ADGRF1: variants seen among roughly 807,000 people sequenced by gnomAD.
ADGRF1 encodes G protein-coupled receptor 110.
ADGRF1 carries 85 observed loss-of-function variants against 87.2 expected under a neutral mutation model. The observed-to-expected ratio is 0.97, with a 90% CI of 0.82 to 1.17. The LOEUF (loss-of-function observed/expected upper bound fraction) is 1.17. Among genes scored for constraint, ADGRF1 ranks in the 50% most tolerant of loss-of-function variants. The pLI is 0.00. For missense variants in ADGRF1, 1,169 were observed against 1,077.2 expected (o/e 1.09, Z -1.19); for synonymous variants, 430 against 408.8 (o/e 1.05, Z -0.63).
Position 47,009,951 on chromosome 6 carries a change from T to C in ADGRF1, c.1484A>G (p.Lys495Arg), listed in dbSNP as rs1484211503. ...LTLGNILPVSKNGNAQVNGPV... is the reference protein window; with the variant it reads ...LTLGNILPVSRNGNAQVNGPV... ...TCCATTGACCTGAGCATTTCCATTTTTGGAAACGGGTAGAATGTTCCCCAG... is the reference window on the plus strand; with the variant it reads ...TCCATTGACCTGAGCATTTCCATTTCTGGAAACGGGTAGAATGTTCCCCAG... The change falls in exon 11 of 15, where the codon AAA becomes AGA. Residue 495 changes from lysine (K) to arginine (R), a missense_variant. Coordinates refer to ENST00000371253, the MANE Select transcript of ADGRF1 (RefSeq NM_153840.4). The C allele has an allele frequency of 1.9e-6, 3 of 1,614,056 alleles. No individual in the cohort carries two copies. Among genetic ancestry groups the C allele is most frequent in the African/African-American group, 1.3e-5 (1 of 74,952 alleles).
chr6:47,000,289 T>G lies in ADGRF1; in HGVS notation c.2666A>C (p.Tyr889Ser). 1.9e-6 allele frequency: 3 copies of G among 1,597,546 alleles called. No homozygotes were observed. The Middle Eastern group carries it at 5.0e-4, about 266-fold the overall frequency. The stretch of plus-strand genomic sequence containing the variant: ...GGAATCTCCAGTATGAGAAAATGCA[T>G]AATGGCCTGAAGGGGAAAAAAAAAG... ...PFNPLQNKGHYAFSHTGDSSD... is the reference protein window; with the variant it reads ...PFNPLQNKGHSAFSHTGDSSD... The change falls in exon 15 of 15, where the codon TAT (tyrosine) becomes TCT (serine). Residue 889 changes from tyrosine to serine, a missense_variant. Physicochemically the swap from Tyr to Ser is moderately radical, Grantham distance 144. Transcript: ENST00000371253.
At chr6:47,021,540 T>A (rs1780051692) in intron 6 of ADGRF1, among the ~76,000 whole-genome samples, 1 of 152,126 alleles carries the variant, frequency 6.6e-6, no homozygotes, top group Non-Finnish European at 1.5e-5. Context: ...TTGTGTTTTT[T>A]AGTAGAGATT....
Position 47,012,074 on chromosome 6 carries a change from G to C in ADGRF1, c.1049C>G (p.Ser350Trp). 1 of 1,614,032 alleles carries C rather than the reference G, an allele frequency of 6.2e-7. No homozygotes were observed. Among genetic ancestry groups the C allele is most frequent in the Non-Finnish European group, 8.5e-7 (1 of 1,179,976 alleles). The change falls in exon 10 of 15, where the codon TCG becomes TGG. Residue 350 changes from serine (S) to tryptophan (W), a missense_variant. Coordinates refer to ENST00000371253, the MANE Select transcript of ADGRF1 (RefSeq NM_153840.4). ...TTVGNLASVVSILSNISSLSL... is the reference protein window; with the variant it reads ...TTVGNLASVVWILSNISSLSL... Reference sequence around the variant, plus strand: ...CAGAGATGAAATATTGCTCAGAATCGACACCACCGAAGCCAGATTCCCCAC... The same window carrying C: ...CAGAGATGAAATATTGCTCAGAATCCACACCACCGAAGCCAGATTCCCCAC...
chr6:47,005,639 A>G (rs1779503376), intron 13 of ADGRF1, among the ~76,000 whole-genome samples, 178 bp downstream of exon 13: 2 of 152,142 alleles, frequency 1.3e-5, no homozygotes, highest in South Asian at 4.1e-4. Flanking sequence ...TCACTCATTC[A>G]CTCAACAACT....
chr6:47,042,244 C>G lies in ADGRF1; in HGVS notation c.-97G>C, dbSNP rs1780759421. ...TCGAGGGAGCCCTTCCTTCAGTATA[C>G]TTGTGGCTCAATCACTTCTTATGCT... On this transcript the variant is annotated 5_prime_UTR_variant, in exon 1 of 15. Coordinates refer to ENST00000371253, the MANE Select transcript of ADGRF1 (RefSeq NM_153840.4). The G allele has an allele frequency of 3.3e-5, 5 of 152,204 alleles. No individual in the cohort carries two copies. The highest frequency in any genetic ancestry group is 4.1e-4 in the South Asian group (2 of 4,832). 9.4% of individuals were successfully genotyped at this position (152,204 alleles called of 1,614,324 possible). A position where few individuals can be genotyped will look rare whatever the true frequency, so the allele number is the denominator to read the frequency against.
intron 1 of ADGRF1, among the ~76,000 whole-genome samples, chr6:47,031,051 C>A (rs1451013402): frequency 2.0e-5 from 3 of 152,184 alleles, no homozygotes; most frequent in Admixed American, 2.0e-4. Context: ...GCATAAGCCA[C>A]CATGCCCGGC....
chr6:47,013,256 A>T, intron 9 of ADGRF1: 1 of 985,438 alleles, frequency 1.0e-6, no homozygotes, highest in Non-Finnish European at 1.2e-6. Flanking sequence ...TGTTCAAGCC[A>T]CCTGGGATCT....
intron 11 of ADGRF1, 27 bp downstream of exon 11, chr6:47,008,918 A>G: frequency 3.9e-6 from 6 of 1,547,194 alleles, no homozygotes; most frequent in Non-Finnish European, 5.2e-6. Context: ...ACTTGACAAT[A>G]CAATAGGTTA....
intron 1 of ADGRF1, among the ~76,000 whole-genome samples, chr6:47,039,829 G>A (rs1481004999): frequency 6.6e-6 from 1 of 152,148 alleles, no homozygotes; most frequent in African/African-American, 2.4e-5. Flanking sequence ...AGGCGTAGTG[G>A]CAGATGCCTG....
Position 47,010,318 on chromosome 6 carries a change from C to T in ADGRF1, c.1117G>A (p.Asp373Asn). 1 of 1,590,658 alleles carries T rather than the reference C, an allele frequency of 6.3e-7. No individual in the cohort carries two copies. Among genetic ancestry groups the T allele is most frequent in the South Asian group, 1.1e-5 (1 of 87,078 alleles). The change falls in exon 11 of 15, where the codon GAT (aspartate) becomes AAT (asparagine). Residue 373 changes from aspartate to asparagine, a missense_variant and splice_region_variant. Physicochemically the swap from Asp to Asn is conservative, Grantham distance 23. Transcript: ENST00000371253. ...HFRVSNSTME[D>N]VISIADNILN... ...ATATTGTCAGCTATACTGATGACAT[C>T]CTGAAACACAAGGATGAGAGTCAGT...
intron 1 of ADGRF1, among the ~76,000 whole-genome samples, chr6:47,031,270 T>TTCTC (rs375425604): frequency 2.0e-4 from 29 of 146,110 alleles, no homozygotes; most frequent in East Asian, 1.2e-3. Context: ...TCTCTCTCTC[T>TTCTC]TCTCTCTCTC....
At chr6:47,013,478 G>C in intron 9 of ADGRF1, 1 of 985,456 alleles carries the variant, frequency 1.0e-6, no homozygotes, top group Non-Finnish European at 1.2e-6. Context: ...GTCTCTGGCT[G>C]GAATAGAAGT....
rs1779624787 is a variant in ADGRF1, at chr6:47,009,342, A to T, written c.2093T>A (p.Met698Lys). 14 of 1,614,084 alleles carry T rather than the reference A, an allele frequency of 8.7e-6. No homozygotes were observed. Among genetic ancestry groups the T allele is most frequent in the Non-Finnish European group, 1.2e-5 (14 of 1,180,032 alleles). The stretch of plus-strand genomic sequence containing the variant: ...ACCCAGGCAAAATCCAACAGCCATC[A>T]TCAAATGCTGGGCCATGTGATGGAA... ...LVFHHMAQHL[M>K]MAVGFCLGYG... The change falls in exon 11 of 15, where the codon ATG becomes AAG. Residue 698 changes from methionine (M) to lysine (K), a missense_variant. Physicochemically the swap from Met to Lys is moderately conservative, Grantham distance 95. Coordinates refer to ENST00000371253, the MANE Select transcript of ADGRF1 (RefSeq NM_153840.4).
chr6:47,040,057 C>T (rs1780693185), intron 1 of ADGRF1, among the ~76,000 whole-genome samples: 1 of 152,126 alleles, frequency 6.6e-6, no homozygotes, highest in Admixed American at 6.6e-5. Context: ...ATCTTGCGAG[C>T]ACTACTCTGC....
intron 12 of ADGRF1, 38 bp downstream of exon 12, chr6:47,007,215 C>T: frequency 7.4e-7 from 1 of 1,356,210 alleles, no homozygotes; most frequent in South Asian, 1.3e-5. Context: ...CCTAAGATGT[C>T]TAGGCTAGGG....
rs1457894500 is a variant in ADGRF1, at chr6:46,999,256, G to A, written c.*966C>T. The A allele has an allele frequency of 6.6e-6, 1 of 152,192 alleles. No homozygotes were observed. Among genetic ancestry groups the A allele is most frequent in the Non-Finnish European group, 1.5e-5 (1 of 68,040 alleles). 9.4% of individuals were successfully genotyped at this position (152,192 alleles called of 1,614,324 possible). The stretch of plus-strand genomic sequence containing the variant: ...ATGGTGTATTATGAAAGAAAATAAG[G>A]ATGTTTTAAGGTACCTCCCTGGAAG... On this transcript the variant is annotated 3_prime_UTR_variant, in exon 15 of 15. Transcript: ENST00000371253.
In ADGRF1 at chr6:46,999,241, A is replaced by T. The variant is rs954204596; in HGVS notation, c.*981T>A. 6.6e-6 allele frequency: 1 copy of T among 152,230 alleles called. No homozygotes were observed. Among genetic ancestry groups the T allele is most frequent in the Non-Finnish European group, 1.5e-5 (1 of 68,032 alleles). The allele number at this position is 152,230 out of a possible 1,614,324, so 9.4% of individuals were successfully genotyped here. The stretch of plus-strand genomic sequence containing the variant: ...TTCCACAAAGTGCCTATGGTGTATT[A>T]TGAAAGAAAATAAGGATGTTTTAAG... On this transcript the variant is annotated 3_prime_UTR_variant, in exon 15 of 15. Transcript: ENST00000371253.
rs1426269993 is a variant in ADGRF1, at chr6:46,998,088, A to T, written c.*2134T>A. ...CTTGCTGGTTGACATTTTTGCTAAGATTTCTCCCTCTCCTTCCACCCCACC... is the reference window on the plus strand; with the variant it reads ...CTTGCTGGTTGACATTTTTGCTAAGTTTTCTCCCTCTCCTTCCACCCCACC... On this transcript the variant is annotated 3_prime_UTR_variant, in exon 15 of 15. Transcript: ENST00000371253. 6.6e-6 allele frequency: 1 copy of T among 151,958 alleles called. No homozygotes were observed. Among genetic ancestry groups the T allele is most frequent in the Admixed American group, 6.6e-5 (1 of 15,248 alleles). The allele number at this position is 151,958 out of a possible 1,614,324, so 9.4% of individuals were successfully genotyped here.
At chr6:47,033,902 G>A (rs1246473199) in intron 1 of ADGRF1, among the ~76,000 whole-genome samples, 2 of 152,214 alleles carry the variant, frequency 1.3e-5, no homozygotes, top group Non-Finnish European at 2.9e-5. Flanking sequence ...TGGAAAAATG[G>A]TTGGAGGTTT....
Sources: gnomAD v4.1 joint callset for allele counts (sites outside exome capture counted in the v4.1 genomes callset) on GRCh38, gnomAD v4.1.1 for gene constraint, MANE v1.5 for transcripts, NCBI Gene and HGNC (gene_info 2026-07-23, HGNC 2026-07-21) for gene names.